The following PAPPA2 variants were observed in gnomAD, a reference collection of about 807,000 sequenced individuals.
PAPPA2 encodes pappalysin 2, also known as pappalysin-2.
A neutral mutation model predicts 176.4 loss-of-function variants in PAPPA2; 86 were observed. The observed-to-expected ratio is 0.49, with a 90% confidence interval of 0.41 to 0.58. The LOEUF is 0.58. Among genes scored for constraint, PAPPA2 ranks in the 20% least tolerant of loss-of-function variants. The pLI, the probability that PAPPA2 is intolerant of heterozygous loss-of-function variation, is 0.00. For missense variants in PAPPA2, 2,073 were observed against 2,256.9 expected (o/e 0.92, Z 1.65); for synonymous variants, 809 against 852.2 (o/e 0.95, Z 0.88).
chr1:176,585,452 G>T (rs1653250272), intron 2 of PAPPA2, among the ~76,000 whole-genome samples: 1 of 152,074 alleles, frequency 6.6e-6, no homozygotes, highest in African/African-American at 2.4e-5. Context: ...ACTCAAATAT[G>T]CCTTGGAGAG....
At chr1:176,675,254 G>A (rs1041296317) in intron 4 of PAPPA2, among the ~76,000 whole-genome samples, 3 of 152,024 alleles carry the variant, frequency 2.0e-5, no homozygotes, top group Admixed American at 2.0e-4. Flanking sequence ...CTCTATGATT[G>A]TTCATGCACA....
chr1:176,779,525 G>C (rs774088720), intron 17 of PAPPA2, among the ~76,000 whole-genome samples: 22 of 146,740 alleles, frequency 1.5e-4, no homozygotes, highest in Non-Finnish European at 2.4e-4. Context: ...CACACAGAGA[G>C]AGAGAGAGAG....
intron 12 of PAPPA2, among the ~76,000 whole-genome samples, chr1:176,729,944 T>C (rs1662055180): frequency 6.6e-6 from 1 of 152,022 alleles, no homozygotes; most frequent in Non-Finnish European, 1.5e-5. Flanking sequence ...TTCATAATTA[T>C]GTTAAATAGC....
chr1:176,638,701 A>G (rs1656876021), intron 3 of PAPPA2, among the ~76,000 whole-genome samples: 1 of 151,956 alleles, frequency 6.6e-6, no homozygotes, highest in East Asian at 1.9e-4. Flanking sequence ...GCCAAGTGCT[A>G]TATTGGCTCT....
At chr1:176,749,886 A>G (rs942724118) in intron 14 of PAPPA2, among the ~76,000 whole-genome samples, 4 of 152,222 alleles carry the variant, frequency 2.6e-5, no homozygotes, top group Non-Finnish European at 5.9e-5. Flanking sequence ...ATTGAAGGAC[A>G]TCTTGGTTTC....
chr1:176,768,341 G>A (rs528123396), intron 15 of PAPPA2, among the ~76,000 whole-genome samples: 1 of 152,204 alleles, frequency 6.6e-6, no homozygotes, highest in South Asian at 2.1e-4. Context: ...GGCCGAGGAT[G>A]GCAGTTCCTC....
intron 7 of PAPPA2, 150 bp downstream of exon 7, chr1:176,696,009 T>C: frequency 9.3e-7 from 1 of 1,078,136 alleles, no homozygotes; most frequent in Non-Finnish European, 1.3e-6. Context: ...TGTGTGTGTT[T>C]TGCTGGATAT....
intron 2 of PAPPA2, among the ~76,000 whole-genome samples, chr1:176,569,761 A>T (rs1162270460): frequency 2.0e-5 from 3 of 152,224 alleles, no homozygotes. Flanking sequence ...CTAATTCAAT[A>T]TGTATTTGAT....
chr1:176,628,753 T>G (rs981243763), intron 3 of PAPPA2, among the ~76,000 whole-genome samples: 2 of 152,238 alleles, frequency 1.3e-5, no homozygotes, highest in African/African-American at 2.4e-5. Context: ...CCTTTTCATT[T>G]GCTTTATCAT....
chr1:176,619,321 C>G (rs532179848), intron 3 of PAPPA2, among the ~76,000 whole-genome samples: 3 of 152,304 alleles, frequency 2.0e-5, no homozygotes, highest in African/African-American at 7.2e-5. Context: ...CAACTTATAT[C>G]TACACAAGCT....
rs1195079134 is a variant in PAPPA2 at position 176,796,643 on chromosome 1, CTTTTCTTTCT to C, written c.5130+2986_5130+2995del. ...TTCTTTCTTTCTTTTTCTTTCTTTT[CTTTTCTTTCT>C]TTTTCTTTCTTCTTTCTTTCTCTTT... On this transcript the variant is annotated intron_variant, in intron 20 of 22. Transcript: ENST00000367662. Among the ~76,000 whole-genome samples, 283 of 144,318 alleles carry C rather than the reference CTTTTCTTTCT, an allele frequency of 2.0e-3. 2 individuals are homozygous for C. The highest frequency in any genetic ancestry group is 6.9e-3 in the African/African-American group (274 of 39,526). The allele number at this position is 144,318 out of a possible 152,430, so 94.7% of individuals were successfully genotyped here.
Position 176,595,164 on chromosome 1 carries a change from G to A in PAPPA2, c.1560G>A (p.Arg520=), listed in dbSNP as rs773613078. The change falls in exon 3 of 23, where the codon CGG becomes CGA. Residue 520 remains arginine (R), a synonymous_variant. Coordinates refer to ENST00000367662, the MANE Select transcript of PAPPA2 (RefSeq NM_020318.3). Reference sequence around the variant, plus strand: ...AGTACAATGGATACTGGCCCCTTCGGGGAGAGAAGGTGATACGCTACCAGG... The same window carrying A: ...AGTACAATGGATACTGGCCCCTTCGAGGAGAGAAGGTGATACGCTACCAGG... The part of the protein sequence containing the change: ...ISQYNGYWPL[R]GEKVIRYQVV... 6.2e-7 allele frequency: 1 copy of A among 1,614,180 alleles called. No individual in the cohort carries two copies. The highest frequency in any genetic ancestry group is 1.1e-5 in the South Asian group (1 of 91,078).
intron 1 of PAPPA2, among the ~76,000 whole-genome samples, chr1:176,490,856 C>T (rs1420445852): frequency 6.6e-6 from 1 of 152,142 alleles, no homozygotes; most frequent in Non-Finnish European, 1.5e-5. Context: ...TCTCAGGTTC[C>T]CAACGCCCCA....
intron 3 of PAPPA2, among the ~76,000 whole-genome samples, chr1:176,600,513 A>T (rs560059915): frequency 1.3e-5 from 2 of 151,434 alleles, no homozygotes; most frequent in African/African-American, 4.9e-5. Flanking sequence ...CGTCTCTACT[A>T]AAAATACAAA....
At chr1:176,781,545 T>C (rs1284912521) in intron 17 of PAPPA2, among the ~76,000 whole-genome samples, 2 of 151,914 alleles carry the variant, frequency 1.3e-5, no homozygotes, top group Non-Finnish European at 2.9e-5. Flanking sequence ...AGACTTACCA[T>C]GTCTGAAGTC....
intron 12 of PAPPA2, among the ~76,000 whole-genome samples, chr1:176,729,816 A>G (rs1214945113): frequency 6.6e-6 from 1 of 152,076 alleles, no homozygotes; most frequent in South Asian, 2.1e-4. Context: ...GAAATTTTAG[A>G]ACAAGCCTTA....
At chr1:176,614,451 T>C (rs1397590157) in intron 3 of PAPPA2, among the ~76,000 whole-genome samples, 3 of 152,198 alleles carry the variant, frequency 2.0e-5, no homozygotes, top group Non-Finnish European at 4.4e-5. Context: ...ACCTGAAAAG[T>C]TGGCCAGGAA....
intron 2 of PAPPA2, among the ~76,000 whole-genome samples, chr1:176,590,552 T>C (rs924306044): frequency 6.6e-6 from 1 of 152,226 alleles, no homozygotes; most frequent in African/African-American, 2.4e-5. Context: ...TTAATCACTT[T>C]ATTTGAGCTG....
intron 1 of PAPPA2, among the ~76,000 whole-genome samples, chr1:176,468,491 C>T (rs1195446409): frequency 2.0e-5 from 3 of 152,124 alleles, no homozygotes; most frequent in African/African-American, 7.2e-5. Flanking sequence ...TCTATTCCTC[C>T]TAGCTAAGTG....
Sources: allele counts gnomAD v4.1 joint callset (sites outside exome capture counted in the v4.1 genomes callset), GRCh38; gene constraint gnomAD v4.1.1; transcripts MANE v1.5; gene names NCBI Gene and HGNC (gene_info 2026-07-23, HGNC 2026-07-21).